SWAP70: variants seen among roughly 807,000 people sequenced by gnomAD.
The protein encoded by SWAP70 is switching B cell complex subunit SWAP70, also known as switch-associated protein 70.
Under a neutral mutation model 80.2 loss-of-function variants are expected in SWAP70, and 34 were observed. The ratio of observed to expected loss-of-function variants is 0.42; its 90% CI spans 0.32 to 0.56. SWAP70 has a LOEUF of 0.56. SWAP70 is among the 20% of genes least tolerant of loss of function. SWAP70 has a pLI of 0.09. For missense variants in SWAP70, 578 were observed against 690.7 expected, an observed-to-expected ratio of 0.84 and a Z score of 1.83; for synonymous variants, 239 against 238.5, an observed-to-expected ratio of 1.00 and a Z score of -0.02.
At chr11:9,706,267 C>T (rs1850912068) in intron 2 of SWAP70, among the ~76,000 whole-genome samples, 1 of 82,968 alleles carries the variant, frequency 1.2e-5, no homozygotes, top group Non-Finnish European at 2.3e-5. Context: ...GATCTGTATA[C>T]ACTGGTGATC....
chr11:9,703,305 A>G (rs1590025717), intron 2 of SWAP70: 1 of 454,472 alleles, frequency 2.2e-6, no homozygotes, highest in Middle Eastern at 3.3e-4. Flanking sequence ...CGGATATACC[A>G]TGTTTTATTT....
intron 2 of SWAP70, chr11:9,703,406 CCCTT>C (rs1373940949): frequency 2.2e-6 from 1 of 456,270 alleles, no homozygotes; most frequent in South Asian, 1.5e-5. Context: ...ATTACCAAGA[CCCTT>C]CCTGCCTCAG....
intron 2 of SWAP70, among the ~76,000 whole-genome samples, chr11:9,702,443 G>C (rs892205345): frequency 5.3e-5 from 8 of 150,506 alleles, no homozygotes; most frequent in Non-Finnish European, 1.0e-4. Context: ...ATAAGGTCTT[G>C]CTCTGTTGCC....
intron 4 of SWAP70, among the ~76,000 whole-genome samples, chr11:9,727,804 G>T (rs976624584): frequency 6.6e-6 from 1 of 152,114 alleles, no homozygotes; most frequent in South Asian, 2.1e-4. Context: ...GGATTCTATT[G>T]TCTGCATATC....
At chr11:9,703,448 T>G (rs1850859026) in intron 2 of SWAP70, 1 of 456,164 alleles carries the variant, frequency 2.2e-6, no homozygotes, top group Non-Finnish European at 4.4e-6. Flanking sequence ...CTTCCTGTGC[T>G]GTAAGGCCAA....
intron 9 of SWAP70, among the ~76,000 whole-genome samples, chr11:9,745,061 G>A (rs57650149): frequency 0.099 from 15,049 of 152,036 alleles, 1,887 homozygotes; most frequent in East Asian, 0.28. Context: ...TAAGTACCCA[G>A]GGAAATTTTT....
chr11:9,720,515 A>C (rs1330613643), intron 3 of SWAP70: 1 of 983,700 alleles, frequency 1.0e-6, no homozygotes, highest in Non-Finnish European at 1.2e-6. Flanking sequence ...CTGATTCTTG[A>C]CTTGTGCCAG....
rs1367163964 is a variant in SWAP70, at chr11:9,752,136, A to G, written c.*2166A>G. The G allele has an allele frequency of 6.6e-6, 1 of 152,258 alleles. No homozygotes were observed. Among genetic ancestry groups the G allele is most frequent in the Non-Finnish European group, 1.5e-5 (1 of 68,044 alleles). 9.4% of individuals were successfully genotyped at this position (152,258 alleles called of 1,614,324 possible). ...GAAACAGTGTGGCCTTAGGAGTCAA[A>G]TAGTCTCTGCATGGTGGGGAGGATC... On this transcript the variant is annotated 3_prime_UTR_variant, in exon 12 of 12. Coordinates refer to ENST00000318950, the MANE Select transcript of SWAP70 (RefSeq NM_015055.4).
intron 11 of SWAP70, 23 bp downstream of exon 11, chr11:9,749,206 C>T: frequency 8.0e-7 from 1 of 1,249,912 alleles, no homozygotes; most frequent in South Asian, 2.1e-5. Flanking sequence ...ATGAAGTAAT[C>T]ATATATTTAT....
At chr11:9,733,790 T>A (rs1181232386) in intron 7 of SWAP70, among the ~76,000 whole-genome samples, 1 of 152,174 alleles carries the variant, frequency 6.6e-6, no homozygotes, top group African/African-American at 2.4e-5. Context: ...AAAGTGGGTG[T>A]TATGAGGGAA....
At chr11:9,688,336 C>T (rs1244043043) in intron 1 of SWAP70, among the ~76,000 whole-genome samples, 1 of 152,098 alleles carries the variant, frequency 6.6e-6, no homozygotes, top group Admixed American at 6.6e-5. Flanking sequence ...ACAAGAGGTA[C>T]TGCTTGGGAA....
chr11:9,704,909 C>T (rs1160037089), intron 2 of SWAP70, among the ~76,000 whole-genome samples: 2 of 152,180 alleles, frequency 1.3e-5, no homozygotes, highest in Non-Finnish European at 2.9e-5. Flanking sequence ...GAGTCTTGAG[C>T]TGCAGTTCAG....
At chr11:9,717,359 T>C (rs1189714208) in intron 3 of SWAP70, among the ~76,000 whole-genome samples, 2 of 152,124 alleles carry the variant, frequency 1.3e-5, no homozygotes, top group African/African-American at 2.4e-5. Flanking sequence ...TTAGGCTAAG[T>C]GTGCTGGCTC....
rs1851531448 is a variant in SWAP70 at position 9,747,846 on chromosome 11, T to A, written c.1356-12T>A. 1 of 1,613,974 alleles carries A rather than the reference T, an allele frequency of 6.2e-7. No homozygotes were observed. Among genetic ancestry groups the A allele is most frequent in the Non-Finnish European group, 8.5e-7 (1 of 1,179,884 alleles). On this transcript the variant is annotated splice_polypyrimidine_tract_variant and intron_variant, in intron 9 of 11. Transcript: ENST00000318950. ...GGCAGGATTTGATCTGGAGCTTTCC[T>A]CCACATTGTAGGTTGTTGGAGGAAG...
intron 1 of SWAP70, among the ~76,000 whole-genome samples, chr11:9,683,369 T>C (rs1850591861): frequency 1.3e-5 from 2 of 151,416 alleles, no homozygotes; most frequent in South Asian, 4.2e-4. Flanking sequence ...TGAGCCCAGA[T>C]CGAGCTACTG....
chr11:9,715,540 A>C (rs1851055440), intron 3 of SWAP70, among the ~76,000 whole-genome samples: 1 of 152,196 alleles, frequency 6.6e-6, no homozygotes, highest in East Asian at 1.9e-4. Flanking sequence ...AAGACTGGGC[A>C]ATTTATATAA....
In SWAP70 at chr11:9,724,745, G is replaced by T; in HGVS notation, c.502G>T (p.Asp168Tyr). 1 of 1,614,144 alleles carries T rather than the reference G, an allele frequency of 6.2e-7. No homozygotes were observed. Among genetic ancestry groups the T allele is most frequent in the Non-Finnish European group, 8.5e-7 (1 of 1,179,996 alleles). Residue 168 changes from aspartate (D) to tyrosine (Y), a missense_variant, in exon 4 of 12, where the codon GAC becomes TAC. Asp to Tyr is a radical substitution (Grantham distance 160). Transcript: ENST00000318950. ...TGAACATTATAAAATCAACTTTGAT[G>T]ACAGTAAAAATGGCCTTTCTGCATG... is the stretch of plus-strand genomic sequence containing the variant. ...QFEHYKINFD[D>Y]SKNGLSAWEL...
At chr11:9,705,295 C>T (rs887384871) in intron 2 of SWAP70, among the ~76,000 whole-genome samples, 1 of 131,874 alleles carries the variant, frequency 7.6e-6, no homozygotes, top group Non-Finnish European at 1.5e-5. Flanking sequence ...TATGTATACA[C>T]TGGTGATCTG....
chr11:9,740,188 A>T lies in SWAP70; in HGVS notation c.1196A>T (p.Gln399Leu). ...ACCCTTTTATACCAACAGATCAGAC[A>T]GCAGATGGAAGAACAGGTTGCTCAA... Reference protein sequence around the residue: ...TELEREKLIRQQMEEQVAQKS... With the variant: ...TELEREKLIRLQMEEQVAQKS... The change falls in exon 9 of 12, where the codon CAG (glutamine) becomes CTG (leucine). Residue 399 changes from glutamine (Q) to leucine (L), a missense_variant. By Grantham distance (113) the Gln-to-Leu change is moderately radical (BLOSUM62 -2). Transcript: ENST00000318950. 6.2e-7 allele frequency: 1 copy of T among 1,613,970 alleles called. No individual in the cohort carries two copies. Among genetic ancestry groups the T allele is most frequent in the South Asian group, 1.1e-5 (1 of 91,060 alleles).
Sources: allele counts gnomAD v4.1 joint callset (sites outside exome capture counted in the v4.1 genomes callset), GRCh38; gene constraint gnomAD v4.1.1; transcripts MANE v1.5; gene names NCBI Gene and HGNC (gene_info 2026-07-23, HGNC 2026-07-21).